CPT1A: variants seen among roughly 807,000 people sequenced by gnomAD.
CPT1A encodes the protein carnitine palmitoyltransferase 1A.
CPT1A carries 64 observed loss-of-function variants against 100.8 expected under a neutral mutation model. That is an observed-to-expected ratio of 0.63 (90% confidence interval 0.52 to 0.78). The LOEUF (loss-of-function observed/expected upper bound fraction) is 0.78. Among genes scored for constraint, CPT1A ranks in the 30% least tolerant of loss-of-function variants. The pLI is 0.00. For synonymous variants in CPT1A, 363 were observed against 396.0 expected (o/e 0.92, Z 0.99); for missense variants, 802 against 1,034.1 (o/e 0.78, Z 3.08).
chr11:68,805,376 G>A (rs1014002296), intron 4 of CPT1A, among the ~76,000 whole-genome samples: 9 of 152,010 alleles, frequency 5.9e-5, no homozygotes, highest in South Asian at 2.1e-4. Flanking sequence ...GCTTGAGCCC[G>A]GGAGGCGGAG....
At chr11:68,757,814 A>T in intron 18 of CPT1A, 84 bp from the exon 19 acceptor site, 1 of 1,144,050 alleles carries the variant, frequency 8.7e-7, no homozygotes, top group Non-Finnish European at 1.3e-6. Context: ...AATCTGACCC[A>T]ATGTTTCATT....
chr11:68,807,793 G>A (rs1352266158), intron 3 of CPT1A, among the ~76,000 whole-genome samples, 155 bp from the exon 4 acceptor site: 3 of 152,198 alleles, frequency 2.0e-5, no homozygotes, highest in Admixed American at 6.5e-5. Flanking sequence ...TGCAGGAACT[G>A]AGCTCTTAAA....
At chr11:68,776,986 G>A (rs1339859721) in intron 12 of CPT1A, among the ~76,000 whole-genome samples, 1 of 152,242 alleles carries the variant, frequency 6.6e-6, no homozygotes, top group Non-Finnish European at 1.5e-5. Flanking sequence ...ACTGTCGGCT[G>A]GCGAGGCGGC....
chr11:68,818,685 C>T (rs1167658440), intron 1 of CPT1A: 1 of 152,090 alleles, frequency 6.6e-6, no homozygotes, highest in Non-Finnish European at 1.5e-5. Flanking sequence ...ATGGCGAAAC[C>T]CCGTCTCTGA....
At chr11:68,758,175 G>A (rs117657547) in intron 18 of CPT1A, among the ~76,000 whole-genome samples, 2,400 of 152,260 alleles carry the variant, frequency 0.016, 18 homozygotes, top group Non-Finnish European at 0.025. Context: ...GGCTGAAGTA[G>A]GAGGATCCCC....
intron 13 of CPT1A, 21 bp from the exon 14 acceptor site, chr11:68,773,450 G>C (rs201379252): frequency 1.2e-6 from 2 of 1,614,034 alleles, no homozygotes; most frequent in Non-Finnish European, 1.7e-6. Flanking sequence ...AGAAGAAAAA[G>C]GTTTTACGGA....
chr11:68,779,491 T>TTA (rs1555228306), intron 12 of CPT1A, among the ~76,000 whole-genome samples: 54 of 86,956 alleles, frequency 6.2e-4, no homozygotes, highest in African/African-American at 2.2e-3. Flanking sequence ...AACGAATTAT[T>TTA]AAAAAAAAAA....
At chr11:68,783,300 C>T (rs998907021) in intron 10 of CPT1A, among the ~76,000 whole-genome samples, 3 of 151,946 alleles carry the variant, frequency 2.0e-5, no homozygotes, top group African/African-American at 7.2e-5. Flanking sequence ...CCCTACACCA[C>T]CTGAAGCGGC....
intron 17 of CPT1A, 51 bp downstream of exon 17, chr11:68,760,174 C>T (rs1348866552): frequency 1.5e-6 from 2 of 1,306,754 alleles, no homozygotes; most frequent in Non-Finnish European, 2.2e-6. Flanking sequence ...ACCCCATTAC[C>T]CATCCCATCA....
rs72943258 is a variant in CPT1A at position 68,802,156 on chromosome 11, A to G, written c.555+1844T>C. Among the ~76,000 whole-genome samples, 1,389 of 152,114 alleles carry G rather than the reference A, an allele frequency of 9.1e-3. 8 individuals carry two copies. The highest frequency in any genetic ancestry group is 0.014 in the Non-Finnish European group (962 of 67,990). ...GGGGAGTGACTGCTTAGTGGCTATG[A>G]GCTTTTGGGGGATGAAATGTCCTGG... On this transcript the variant is annotated intron_variant, in intron 5 of 18. Transcript: ENST00000265641.
intron 1 of CPT1A, among the ~76,000 whole-genome samples, chr11:68,816,911 T>G (rs1365894299): frequency 1.4e-4 from 4 of 29,272 alleles, no homozygotes; most frequent in Non-Finnish European, 2.0e-4. Flanking sequence ...TGGGTGTGTG[T>G]GTGGTGTGTG....
At chr11:68,807,896 T>C (rs1856093671) in intron 3 of CPT1A, among the ~76,000 whole-genome samples, 1 of 152,250 alleles carries the variant, frequency 6.6e-6, no homozygotes, top group African/African-American at 2.4e-5. Context: ...GTTTGCTCTC[T>C]TCCCAGAGGT....
Position 68,761,659 on chromosome 11 carries a change from A to G in CPT1A, c.1904T>C (p.Leu635Ser). Reference protein sequence around the residue: ...TVEQRLKLFKLASEKHQHMYR... With the variant: ...TVEQRLKLFKSASEKHQHMYR... ...CATATGCTGATGCTTCTCAGACGCC[A>G]ACTTGAACAACTTCAGCCTCTGTTC... The change falls in exon 16 of 19, where the codon TTG becomes TCG. Residue 635 changes from leucine (L) to serine (S), a missense_variant. Coordinates refer to ENST00000265641, the MANE Select transcript of CPT1A (RefSeq NM_001876.4). 1.2e-6 allele frequency: 2 copies of G among 1,614,198 alleles called. No homozygotes were observed. The highest frequency in any genetic ancestry group is 1.7e-6 in the Non-Finnish European group (2 of 1,180,036).
At chr11:68,768,415 T>A (rs1258253925) in intron 14 of CPT1A, among the ~76,000 whole-genome samples, 3 of 151,826 alleles carry the variant, frequency 2.0e-5, no homozygotes, top group Non-Finnish European at 4.4e-5. Flanking sequence ...CTTCTTTTTT[T>A]ATTTTTTGAG....
intron 1 of CPT1A, among the ~76,000 whole-genome samples, chr11:68,830,754 C>A (rs542517802): frequency 6.6e-6 from 1 of 152,306 alleles, no homozygotes; most frequent in South Asian, 2.1e-4. Context: ...TTTCTCCTTT[C>A]TTCATACTTA....
chr11:68,785,622 A>AC (rs1855441341), intron 9 of CPT1A: 1 of 156,776 alleles, frequency 6.4e-6, no homozygotes, highest in East Asian at 1.9e-4. Flanking sequence ...AAAAAAAAAA[A>AC]ACAAATTACC....
intron 1 of CPT1A, among the ~76,000 whole-genome samples, chr11:68,837,433 G>A (rs558593376): frequency 6.6e-6 from 1 of 152,306 alleles, no homozygotes; most frequent in African/African-American, 2.4e-5. Flanking sequence ...AGGACCCCCT[G>A]AGTGAGCCAG....
intron 14 of CPT1A, among the ~76,000 whole-genome samples, chr11:68,772,075 G>A (rs1238453966): frequency 5.3e-5 from 8 of 152,224 alleles, no homozygotes; most frequent in Admixed American, 5.2e-4. Flanking sequence ...TACAAGGCTG[G>A]GCACGGTGGC....
intron 9 of CPT1A, chr11:68,785,996 C>G: frequency 1.4e-6 from 1 of 702,286 alleles, no homozygotes; most frequent in Non-Finnish European, 2.6e-6. Context: ...AAGCACTGCT[C>G]AGTGGGGATG....
Sources: allele counts gnomAD v4.1 joint callset (sites outside exome capture counted in the v4.1 genomes callset), GRCh38; gene constraint gnomAD v4.1.1; transcripts MANE v1.5; gene names NCBI Gene and HGNC (gene_info 2026-07-23, HGNC 2026-07-21).